The following TAF5L variants were observed in gnomAD, a reference collection of about 807,000 sequenced individuals.
TAF5L encodes TAF5-like RNA polymerase II p300/CBP-associated factor-associated factor 65 kDa subunit 5L.
Under a neutral mutation model 51.3 loss-of-function variants are expected in TAF5L, and 7 were observed. That is an observed-to-expected ratio of 0.14 (90% confidence interval 0.08 to 0.26). TAF5L has a LOEUF of 0.26. Among genes scored for constraint, TAF5L ranks in the 10% least tolerant of loss-of-function variants. The pLI is 1.00. For synonymous variants in TAF5L, 291 were observed against 308.1 expected, an observed-to-expected ratio of 0.94 and a Z score of 0.58; for missense variants, 575 against 758.9, an observed-to-expected ratio of 0.76 and a Z score of 2.85.
chr1:229,609,278 A>G lies in TAF5L; in HGVS notation c.247+828T>C, dbSNP rs556902383. 2.4e-4 allele frequency among the ~76,000 whole-genome samples: 37 copies of G among 152,318 alleles called. No individual in the cohort carries two copies. In the Middle Eastern group the frequency reaches 0.014, roughly 56 times the overall value. On this transcript the variant is annotated intron_variant, in intron 3 of 4. Coordinates refer to ENST00000258281, the Ensembl canonical transcript of TAF5L. ...ATGACTTATTTCTATTATGAGTGAC[A>G]CTCAGATGACCCTAATGACATTACA...
chr1:229,621,239 C>T (rs1034290409), intron 1 of TAF5L, among the ~76,000 whole-genome samples: 5 of 152,172 alleles, frequency 3.3e-5, no homozygotes, highest in African/African-American at 9.7e-5. Context: ...AATGACATTA[C>T]CTGGTGAAAC....
chr1:229,607,176 C>T (rs1326093958), intron 3 of TAF5L: 3 of 985,234 alleles, frequency 3.0e-6, no homozygotes, highest in South Asian at 9.4e-5. Context: ...CCTGAGCCAT[C>T]GTCACCTCTT....
Position 229,594,395 on chromosome 1 carries a change from C to T in TAF5L, c.1672G>A (p.Val558Met), listed in dbSNP as rs139403250. ...ACGTTGCTCATCTGCCCGGTGTACACGCCCACGAGCTCGCTGGAGGAGCCG... is the reference window on the plus strand; with the variant it reads ...ACGTTGCTCATCTGCCCGGTGTACATGCCCACGAGCTCGCTGGAGGAGCCG... Residue 558 changes from valine to methionine, a missense_variant, in exon 5 of 5, where the codon GTG becomes ATG. Val to Met is a conservative substitution (Grantham distance 21). This residue lies in a region of TAF5L where 91 missense variants were observed against 96.9 expected (regional missense o/e 0.94). Transcript: ENST00000258281. This position sits in a 1 kb window ranked among gnomAD's most constrained non-coding sequence, Gnocchi z 7.9. The T allele has an allele frequency of 2.5e-5, 40 of 1,614,182 alleles. No homozygotes were observed. Among genetic ancestry groups the T allele is most frequent in the Middle Eastern group, 3.3e-4 (2 of 6,040 alleles).
chr1:229,609,956 G>T, intron 3 of TAF5L, 150 bp downstream of exon 3: 1 of 626,656 alleles, frequency 1.6e-6, no homozygotes, highest in Non-Finnish European at 2.8e-6. Context: ...AATATAGTTG[G>T]TTCTGAGGGA....
chr1:229,611,274 C>T (rs1038760988), intron 2 of TAF5L, among the ~76,000 whole-genome samples: 11 of 152,110 alleles, frequency 7.2e-5, no homozygotes, highest in African/African-American at 2.2e-4. Flanking sequence ...TGAGTTTATG[C>T]TTTCTAAAAA....
At chr1:229,615,843 T>A (rs564979782) in intron 1 of TAF5L, among the ~76,000 whole-genome samples, 1 of 152,218 alleles carries the variant, frequency 6.6e-6, no homozygotes, top group African/African-American at 2.4e-5. Flanking sequence ...ATGCATTTCA[T>A]GTACGCATAC....
At chr1:229,610,247 C>G (rs752407924) in intron 2 of TAF5L, 37 bp from the exon 3 acceptor site, 5 of 1,596,860 alleles carry the variant, frequency 3.1e-6, no homozygotes, top group Non-Finnish European at 4.3e-6. Context: ...GGGCGGGAAA[C>G]AGAGAGACGA....
chr1:229,608,189 G>T (rs1056858628), intron 3 of TAF5L, among the ~76,000 whole-genome samples: 2 of 152,052 alleles, frequency 1.3e-5, no homozygotes, highest in East Asian at 1.9e-4. Flanking sequence ...TTAAAGCAAA[G>T]AATCTATATT....
intron 2 of TAF5L, among the ~76,000 whole-genome samples, chr1:229,610,452 G>A (rs769206015): frequency 5.3e-5 from 8 of 152,212 alleles, no homozygotes; most frequent in Non-Finnish European, 1.0e-4. Context: ...TAAAGCACAG[G>A]ATAAGGTGAA....
At chr1:229,613,990 G>A (rs185179285) in intron 2 of TAF5L, among the ~76,000 whole-genome samples, 3 of 152,196 alleles carry the variant, frequency 2.0e-5, no homozygotes, top group African/African-American at 7.2e-5. Flanking sequence ...GTGCAAGAAG[G>A]GGACAGAGGG....
chr1:229,624,793 C>G (rs1298215444), intron 1 of TAF5L, among the ~76,000 whole-genome samples: 1 of 152,164 alleles, frequency 6.6e-6, no homozygotes, highest in Non-Finnish European at 1.5e-5. Flanking sequence ...ACCTATTAAG[C>G]ACAAAACTCC....
intron 1 of TAF5L, among the ~76,000 whole-genome samples, chr1:229,623,034 T>C (rs1200398536): frequency 6.6e-6 from 1 of 152,214 alleles, no homozygotes; most frequent in Non-Finnish European, 1.5e-5. Context: ...CTCAGCACTT[T>C]GGGAGGCTGA....
intron 4 of TAF5L, among the ~76,000 whole-genome samples, chr1:229,596,127 AGCTGGGCATGGTG>A (rs1664116040): frequency 6.6e-6 from 1 of 152,176 alleles, no homozygotes; most frequent in African/African-American, 2.4e-5. Context: ...TTAAAAAATT[AGCTGGGCATGGTG>A]GCGCATGCCT....
At chr1:229,617,380 C>T (rs1665046473) in intron 1 of TAF5L, among the ~76,000 whole-genome samples, 1 of 152,224 alleles carries the variant, frequency 6.6e-6, no homozygotes, top group Admixed American at 6.5e-5. Flanking sequence ...CTTCCTATCA[C>T]TTGCTACAGC....
At position 229,602,559 on chromosome 1, in the gene TAF5L, T is replaced by C; in HGVS notation, c.608A>G (p.Lys203Arg). Residue 203 changes from lysine to arginine, a missense_variant, in exon 4 of 5, where the codon AAG becomes AGG. Coordinates refer to ENST00000258281, the Ensembl canonical transcript of TAF5L. The surrounding 1 kb of genome is among the most constrained non-coding windows in gnomAD (Gnocchi z 4.6). Reference sequence around the variant, plus strand: ...GGCATACAGCTGATAGTCTGTTCTCTTGGCAGGCTGCACGTCAAGATGAAT... The same window carrying C: ...GGCATACAGCTGATAGTCTGTTCTCCTGGCAGGCTGCACGTCAAGATGAAT... 6.2e-7 allele frequency: 1 copy of C among 1,614,220 alleles called. No individual in the cohort carries two copies. The highest frequency in any genetic ancestry group is 1.6e-4 in the Middle Eastern group (1 of 6,062).
chr1:229,604,564 T>C (rs1483461738), intron 3 of TAF5L, among the ~76,000 whole-genome samples: 3 of 152,138 alleles, frequency 2.0e-5, no homozygotes, highest in Non-Finnish European at 4.4e-5. Context: ...AGGAGGAGTA[T>C]GTCTGGCTTA....
At chr1:229,611,301 T>C (rs1320995521) in intron 2 of TAF5L, among the ~76,000 whole-genome samples, 1 of 152,074 alleles carries the variant, frequency 6.6e-6, no homozygotes, top group Admixed American at 6.6e-5. Flanking sequence ...ACAAAAACCA[T>C]TCTCCTCCTG....
In TAF5L at chr1:229,607,176, CGTCACCTCTTCT is replaced by C. The variant is rs553581914; in HGVS notation, c.247+2918_247+2929del. The C allele has an allele frequency of 1.4e-3, 1,402 of 985,344 alleles. 10 individuals are homozygous for C. In the African/African-American group the frequency reaches 0.02, roughly 14 times the overall value. 61.0% of individuals were successfully genotyped at this position (985,344 alleles called of 1,614,324 possible). A position where few individuals can be genotyped will look rare whatever the true frequency, so the allele number is the denominator to read the frequency against. The stretch of plus-strand genomic sequence containing the variant: ...ACTCCAGTCTTAAAGCCTGAGCCAT[CGTCACCTCTTCT>C]TCCTCCTTTACTCCTGAGCCTTGGA... On this transcript the variant is annotated intron_variant, in intron 3 of 4. Transcript: ENST00000258281.
rs554433033 is a variant in TAF5L, at chr1:229,602,236, C to T, written c.931G>A (p.Val311Met). 9.9e-6 allele frequency: 16 copies of T among 1,614,116 alleles called. No homozygotes were observed. Among genetic ancestry groups the T allele is most frequent in the South Asian group, 3.3e-5 (3 of 91,090 alleles). Residue 311 changes from valine to methionine, a missense_variant, in exon 4 of 5, where the codon GTG (valine) becomes ATG (methionine). Coordinates refer to ENST00000258281, the Ensembl canonical transcript of TAF5L. This position sits in a 1 kb window ranked among gnomAD's most constrained non-coding sequence, Gnocchi z 4.6. ...TCACAAGCCAAATGGATGCGGGACA[C>T]GTCTACTTGGTGGGGCTCTGATTTT...
Sources: allele counts gnomAD v4.1 joint callset (sites outside exome capture counted in the v4.1 genomes callset), GRCh38; gene constraint gnomAD v4.1.1; regional missense constraint gnomAD v4.1.1; non-coding constraint Gnocchi (gnomAD v3.1); transcripts MANE v1.5; gene names NCBI Gene and HGNC (gene_info 2026-07-23, HGNC 2026-07-21).